The following RCAN2 variants were observed in gnomAD, a reference collection of about 807,000 sequenced individuals.
RCAN2 encodes calcipressin-2.
Under a neutral mutation model 23.6 loss-of-function variants are expected in RCAN2, and 9 were observed. The ratio of observed to expected loss-of-function variants is 0.38; its 90% CI spans 0.23 to 0.67. The LOEUF (loss-of-function observed/expected upper bound fraction) is 0.67, where lower values mean the gene tolerates loss of function less well. Ranked by LOEUF, RCAN2 falls within the 30% of genes least tolerant of loss-of-function variation. The pLI is 0.51. For synonymous variants in RCAN2, 109 were observed against 115.7 expected, an observed-to-expected ratio of 0.94 and a Z score of 0.37; for missense variants, 273 against 302.3, an observed-to-expected ratio of 0.90 and a Z score of 0.72.
chr6:46,438,085 T>C (rs1767423617), intron 2 of RCAN2, among the ~76,000 whole-genome samples: 1 of 152,138 alleles, frequency 6.6e-6, no homozygotes, highest in South Asian at 2.1e-4. Flanking sequence ...TCTTTCCCTG[T>C]CACCCCCACT....
chr6:46,248,354 G>A lies in RCAN2; in HGVS notation c.399+369C>T, dbSNP rs142634656. On this transcript the variant is annotated intron_variant, in intron 3 of 4. Transcript: ENST00000371374. ...GAAGGTTAGGAATAGCTGTGATTAC[G>A]TCATTCTTATTATAACTACTAGCGG... Among the ~76,000 whole-genome samples, 40 of 152,266 alleles carry A rather than the reference G, an allele frequency of 2.6e-4. No individual in the cohort carries two copies. In the East Asian group the frequency reaches 4.4e-3, roughly 17 times the overall value.
At chr6:46,226,482 T>C (rs377328718) in intron 4 of RCAN2, among the ~76,000 whole-genome samples, 6 of 152,216 alleles carry the variant, frequency 3.9e-5, no homozygotes, top group East Asian at 1.9e-4. Flanking sequence ...TTGTAGTTCT[T>C]CTTGAAGAGG....
At chr6:46,334,295 G>T (rs896222658) in intron 2 of RCAN2, among the ~76,000 whole-genome samples, 5 of 152,204 alleles carry the variant, frequency 3.3e-5, no homozygotes, top group Admixed American at 6.5e-5. Flanking sequence ...TGAGAAGCGG[G>T]CTCCTCTACC....
intron 2 of RCAN2, among the ~76,000 whole-genome samples, chr6:46,309,511 C>T (rs1442216): frequency 0.68 from 103,653 of 152,078 alleles, 37,894 homozygotes; most frequent in Non-Finnish European, 0.82. Flanking sequence ...CTTCCTAAAT[C>T]ATGGCTCTTG....
intron 2 of RCAN2, among the ~76,000 whole-genome samples, chr6:46,336,181 A>G (rs1764135663): frequency 6.6e-6 from 1 of 152,220 alleles, no homozygotes; most frequent in African/African-American, 2.4e-5. Flanking sequence ...AGAAATTGGC[A>G]TCTCGAAGTA....
At chr6:46,449,991 G>A (rs1397689325) in intron 2 of RCAN2, among the ~76,000 whole-genome samples, 1 of 151,826 alleles carries the variant, frequency 6.6e-6, no homozygotes, top group African/African-American at 2.4e-5. Flanking sequence ...AAAGGTTTTT[G>A]CACAGTAAAG....
intron 2 of RCAN2, among the ~76,000 whole-genome samples, chr6:46,307,252 T>A (rs1763101266): frequency 6.6e-6 from 1 of 152,132 alleles, no homozygotes; most frequent in Admixed American, 6.5e-5. Flanking sequence ...AGGGAGATGT[T>A]TGCAAACGCA....
intron 2 of RCAN2, among the ~76,000 whole-genome samples, chr6:46,333,850 C>A (rs989053461): frequency 6.6e-6 from 1 of 152,192 alleles, no homozygotes; most frequent in African/African-American, 2.4e-5. Flanking sequence ...CTGACACTAG[C>A]AATCAAGATA....
chr6:46,405,136 C>T (rs1200259352), intron 2 of RCAN2, among the ~76,000 whole-genome samples: 2 of 152,136 alleles, frequency 1.3e-5, no homozygotes, highest in Admixed American at 1.3e-4. Context: ...TAAGGCGGCG[C>T]ATCTGGAGTC....
intron 2 of RCAN2, among the ~76,000 whole-genome samples, chr6:46,431,272 C>T (rs572499218): frequency 6.6e-6 from 1 of 152,162 alleles, no homozygotes; most frequent in South Asian, 2.1e-4. Flanking sequence ...GTGGCACAAT[C>T]ACGGCTCACT....
At chr6:46,272,934 G>A (rs188369685) in intron 2 of RCAN2, among the ~76,000 whole-genome samples, 6 of 152,262 alleles carry the variant, frequency 3.9e-5, no homozygotes, top group East Asian at 1.9e-4. Flanking sequence ...CATGTTCACC[G>A]TATCTAAGCC....
intron 2 of RCAN2, among the ~76,000 whole-genome samples, chr6:46,288,082 T>C (rs1762428933): frequency 6.6e-6 from 1 of 152,148 alleles, no homozygotes; most frequent in Non-Finnish European, 1.5e-5. Context: ...TTCTTCCTAA[T>C]TAAGGACTTA....
intron 2 of RCAN2, among the ~76,000 whole-genome samples, chr6:46,277,846 G>A: frequency 6.6e-6 from 1 of 151,922 alleles, no homozygotes; most frequent in Non-Finnish European, 1.5e-5. Context: ...ATGATAAAAG[G>A]ATCTAAAAAG....
chr6:46,373,105 T>A (rs894363736), intron 2 of RCAN2, among the ~76,000 whole-genome samples: 1 of 152,194 alleles, frequency 6.6e-6, no homozygotes, highest in African/African-American at 2.4e-5. Flanking sequence ...TTTAGTGTTT[T>A]TTCATGAAGG....
At chr6:46,333,755 G>A (rs1340054320) in intron 2 of RCAN2, among the ~76,000 whole-genome samples, 5 of 152,144 alleles carry the variant, frequency 3.3e-5, no homozygotes, top group Admixed American at 1.3e-4. Flanking sequence ...TTCTGTAGGC[G>A]CACATATTTC....
At chr6:46,450,906 G>A (rs1019356676) in intron 2 of RCAN2, among the ~76,000 whole-genome samples, 1 of 151,884 alleles carries the variant, frequency 6.6e-6, no homozygotes, top group Non-Finnish European at 1.5e-5. Flanking sequence ...CCACTAAGAA[G>A]GTAGATTTTA....
intron 2 of RCAN2, among the ~76,000 whole-genome samples, chr6:46,383,772 A>T (rs570310481): frequency 2.4e-4 from 37 of 152,334 alleles, no homozygotes; most frequent in Non-Finnish European, 4.7e-4. Context: ...TTTAATTATC[A>T]CAGAAAGTTC....
intron 2 of RCAN2, among the ~76,000 whole-genome samples, chr6:46,369,333 A>G (rs1765263600): frequency 6.6e-6 from 1 of 152,254 alleles, no homozygotes; most frequent in African/African-American, 2.4e-5. Context: ...AGTGCACTCT[A>G]AAGCAACAAT....
At chr6:46,428,432 T>C (rs530998891) in intron 2 of RCAN2, among the ~76,000 whole-genome samples, 85 of 152,336 alleles carry the variant, frequency 5.6e-4, no homozygotes, top group Non-Finnish European at 1.1e-3. Context: ...CCATGAGTAA[T>C]GGTATAGTTT....
Sources: gnomAD v4.1 joint callset for allele counts (sites outside exome capture counted in the v4.1 genomes callset) on GRCh38, gnomAD v4.1.1 for gene constraint, MANE v1.5 for transcripts, NCBI Gene and HGNC (gene_info 2026-07-23, HGNC 2026-07-21) for gene names.